The following RFX2 variants were observed in gnomAD, a reference collection of about 807,000 sequenced individuals.
RFX2 encodes the protein DNA-binding protein RFX2.
In RFX2, 20 loss-of-function variants were observed where a neutral mutation model predicts 87.8. The observed-to-expected ratio is 0.23, with a 90% CI of 0.16 to 0.33. The LOEUF (loss-of-function observed/expected upper bound fraction) is 0.33. RFX2 is among the 10% of genes least tolerant of loss of function. The pLI, the probability that RFX2 is intolerant of heterozygous loss-of-function variation, is 1.00. For missense variants in RFX2, 767 were observed against 1,012.3 expected (o/e 0.76, Z 3.29); for synonymous variants, 397 against 431.3 (o/e 0.92, Z 0.98).
intron 1 of RFX2, among the ~76,000 whole-genome samples, chr19:6,103,125 G>A (rs948990313): frequency 2.0e-5 from 3 of 152,042 alleles, no homozygotes; most frequent in Non-Finnish European, 2.9e-5. Context: ...TCACTATATT[G>A]GACCATTACA....
chr19:5,999,873 A>AG lies in RFX2; in HGVS notation c.1859+1941dup, dbSNP rs937780841. 6.6e-6 allele frequency among the ~76,000 whole-genome samples: 1 copy of AG among 151,992 alleles called. No homozygotes were observed. Among genetic ancestry groups the AG allele is most frequent in the African/African-American group, 2.4e-5 (1 of 41,454 alleles). ...GTCTGGGGGAAAGATGTTCCAGGCA[A>AG]GGGGGGCAGGTGCAAAGGCCCTGAG... On this transcript the variant is annotated intron_variant, in intron 15 of 17. Coordinates refer to ENST00000303657, the MANE Select transcript of RFX2 (RefSeq NM_000635.4). This position sits in a 1 kb window ranked among gnomAD's most constrained non-coding sequence, Gnocchi z 4.1.
At chr19:6,029,343 A>G (rs1423794494) in intron 5 of RFX2, among the ~76,000 whole-genome samples, 1 of 152,186 alleles carries the variant, frequency 6.6e-6, no homozygotes, top group East Asian at 1.9e-4. Context: ...GACTTATGAA[A>G]CAAAGAGTTT....
In RFX2 at chr19:6,032,077, C is replaced by A. The variant is rs148251192; in HGVS notation, c.523-5840G>T. On this transcript the variant is annotated intron_variant, in intron 5 of 17. Coordinates refer to ENST00000303657, the MANE Select transcript of RFX2 (RefSeq NM_000635.4). ...GAGCCAATTCAAGTTAAAATGCTAA[C>A]AACCCTTTGGGGTCTTTATAGAGAA... 6.9e-3 allele frequency among the ~76,000 whole-genome samples: 1,051 copies of A among 152,304 alleles called. 9 individuals are homozygous for A. The highest frequency in any genetic ancestry group is 0.024 in the African/African-American group (1,007 of 41,552).
Position 6,002,643 on chromosome 19 carries a change from G to C in RFX2, c.1650+78C>G. Reference sequence around the variant, plus strand: ...CGGGGCAGGGGCCAGGTTGTGCCACGGGCTCCACTTGGTGGGTTTGCTGGT... The same window carrying C: ...CGGGGCAGGGGCCAGGTTGTGCCACCGGCTCCACTTGGTGGGTTTGCTGGT... On this transcript the variant is annotated intron_variant, in intron 14 of 17. Transcript: ENST00000303657. This position sits in a 1 kb window ranked among gnomAD's most constrained non-coding sequence, Gnocchi z 6.7. The C allele has an allele frequency of 6.4e-7, 1 of 1,559,206 alleles. No individual in the cohort carries two copies. The highest frequency in any genetic ancestry group is 1.3e-5 in the African/African-American group (1 of 74,102).
At chr19:6,077,516 G>A (rs1032018840) in intron 1 of RFX2, among the ~76,000 whole-genome samples, 1 of 152,190 alleles carries the variant, frequency 6.6e-6, no homozygotes, top group East Asian at 1.9e-4. Context: ...CAGAGACAAA[G>A]AGCTAGCTAT....
rs1156709210 is a variant in RFX2, at chr19:6,011,855, G to A, written c.899+1131C>T. ...GTGCCACGTGGGGCTATTGCAATGT[G>A]GCCCCTGCCCTCAGGGGGGGCACTT... is the stretch of plus-strand genomic sequence containing the variant. On this transcript the variant is annotated intron_variant, in intron 8 of 17. Coordinates refer to ENST00000303657, the MANE Select transcript of RFX2 (RefSeq NM_000635.4). This position sits in a 1 kb window ranked among gnomAD's most constrained non-coding sequence, Gnocchi z 4.8. 6.6e-6 allele frequency among the ~76,000 whole-genome samples: 1 copy of A among 152,222 alleles called. No homozygotes were observed. The highest frequency in any genetic ancestry group is 2.4e-5 in the African/African-American group (1 of 41,466).
rs1489782507 is a variant in RFX2, at chr19:6,040,344, G to A, written c.261-103C>T. 37 of 1,264,820 alleles carry A rather than the reference G, an allele frequency of 2.9e-5. No homozygotes were observed. Among genetic ancestry groups the A allele is most frequent in the Non-Finnish European group, 4.0e-5 (37 of 930,144 alleles). The allele number at this position is 1,264,820 out of a possible 1,614,324, so 78.3% of individuals were successfully genotyped here. On this transcript the variant is annotated intron_variant, in intron 4 of 17. Coordinates refer to ENST00000303657, the MANE Select transcript of RFX2 (RefSeq NM_000635.4). The surrounding 1 kb of genome is among the most constrained non-coding windows in gnomAD (Gnocchi z 6.1). ...AACATCACGTAAAAGCTGCAACCCA[G>A]AGAGGCCAGACATATGGAGCAATTC...
At chr19:6,038,732 A>G (rs1003372833) in intron 5 of RFX2, among the ~76,000 whole-genome samples, 4 of 152,234 alleles carry the variant, frequency 2.6e-5, no homozygotes, top group African/African-American at 4.8e-5. Context: ...TGCTACCATC[A>G]TTAGCTATAA....
intron 5 of RFX2, among the ~76,000 whole-genome samples, chr19:6,032,785 C>T (rs566765771): frequency 3.9e-5 from 6 of 152,140 alleles, no homozygotes; most frequent in Non-Finnish European, 8.8e-5. Context: ...TGAACCAATT[C>T]TGTTGTTTGT....
At chr19:6,042,584 G>A (rs1354047098) in intron 3 of RFX2, among the ~76,000 whole-genome samples, 1 of 152,202 alleles carries the variant, frequency 6.6e-6, no homozygotes, top group Non-Finnish European at 1.5e-5. Context: ...GTGCACAGGG[G>A]GCTGAGCAGA....
In RFX2 at chr19:6,013,545, T is replaced by G. The variant is rs989930560; in HGVS notation, c.780-440A>C. Among the ~76,000 whole-genome samples, 2 of 150,106 alleles carry G rather than the reference T, an allele frequency of 1.3e-5. No individual in the cohort carries two copies. The highest frequency in any genetic ancestry group is 2.1e-4 in the South Asian group (1 of 4,750). ...TCTCACTCTGTCACCCAGGCTGGAG[T>G]GCAGTTGTGCAATCACAGCTCACTA... On this transcript the variant is annotated intron_variant, in intron 7 of 17. Coordinates refer to ENST00000303657, the MANE Select transcript of RFX2 (RefSeq NM_000635.4). This position sits in a 1 kb window ranked among gnomAD's most constrained non-coding sequence, Gnocchi z 4.1.
At chr19:6,109,681 G>T (rs990828034) in intron 1 of RFX2, among the ~76,000 whole-genome samples, 1 of 152,150 alleles carries the variant, frequency 6.6e-6, no homozygotes, top group Non-Finnish European at 1.5e-5. Context: ...AATTTCGGAG[G>T]TTTGGGGAGT....
intron 1 of RFX2, among the ~76,000 whole-genome samples, chr19:6,098,371 G>A (rs994029141): frequency 6.6e-6 from 1 of 152,096 alleles, no homozygotes; most frequent in Non-Finnish European, 1.5e-5. Flanking sequence ...CACCGAGACA[G>A]CGCAGTGGGT....
chr19:6,084,555 A>C (rs1174402828), intron 1 of RFX2, among the ~76,000 whole-genome samples: 1 of 151,156 alleles, frequency 6.6e-6, no homozygotes, highest in Non-Finnish European at 1.5e-5. Flanking sequence ...CCACCATTCT[A>C]CTTTCTGTCG....
intron 1 of RFX2, among the ~76,000 whole-genome samples, chr19:6,055,412 A>G (rs1244262746): frequency 6.6e-6 from 1 of 152,166 alleles, no homozygotes; most frequent in Non-Finnish European, 1.5e-5. Context: ...GCATGTTCAT[A>G]GCAGCTTTTT....
chr19:6,005,982 C>T (rs1568501457), intron 12 of RFX2, among the ~76,000 whole-genome samples: 1 of 152,210 alleles, frequency 6.6e-6, no homozygotes, highest in Non-Finnish European at 1.5e-5. Context: ...CTCCCAGAGG[C>T]CGGCCTGCAT....
In RFX2 at chr19:6,012,451, G is replaced by T. The variant is rs10417339; in HGVS notation, c.899+535C>A. Among the ~76,000 whole-genome samples, 11,427 of 152,212 alleles carry T rather than the reference G, an allele frequency of 0.075. 1,100 individuals carry two copies. Among genetic ancestry groups the T allele is most frequent in the African/African-American group, 0.23 (9,436 of 41,476 alleles). On this transcript the variant is annotated intron_variant, in intron 8 of 17. Transcript: ENST00000303657. This position sits in a 1 kb window ranked among gnomAD's most constrained non-coding sequence, Gnocchi z 4.6. Reference sequence around the variant, plus strand: ...GCTGGGTAGGCAGAACATGGAGGATGTGTAGGACTGTGAAAGGACTCTGCG... The same window carrying T: ...GCTGGGTAGGCAGAACATGGAGGATTTGTAGGACTGTGAAAGGACTCTGCG...
Position 6,007,920 on chromosome 19 carries a change from G to T in RFX2, c.1135-118C>A. On this transcript the variant is annotated intron_variant, in intron 10 of 17. Transcript: ENST00000303657. The surrounding 1 kb of genome is among the most constrained non-coding windows in gnomAD (Gnocchi z 8.2). ...AGCGGGGTGCCCTGGAATCCCAAGG[G>T]AGGCCACAGAGAGGAGAGGAGCAGG... 1.2e-6 allele frequency: 1 copy of T among 822,594 alleles called. No individual in the cohort carries two copies. Among genetic ancestry groups the T allele is most frequent in the South Asian group, 1.5e-5 (1 of 65,648 alleles). 51.0% of individuals were successfully genotyped at this position (822,594 alleles called of 1,614,324 possible).
At chr19:6,078,182 A>T (rs2087722544) in intron 1 of RFX2, 1 of 151,886 alleles carries the variant, frequency 6.6e-6, no homozygotes, top group Admixed American at 6.6e-5. Flanking sequence ...GGCTGGGAGG[A>T]GGAAGGGCAA....
Sources: gnomAD v4.1 joint callset for allele counts (sites outside exome capture counted in the v4.1 genomes callset) on GRCh38, gnomAD v4.1.1 for gene constraint, Gnocchi (gnomAD v3.1) non-coding constraint, MANE v1.5 for transcripts, NCBI Gene and HGNC (gene_info 2026-07-23, HGNC 2026-07-21) for gene names.